FARP1: variants seen among roughly 807,000 people sequenced by gnomAD.
FARP1 encodes the protein FERM, ARH/RhoGEF and pleckstrin domain protein 1.
A neutral mutation model predicts 128.8 loss-of-function variants in FARP1; 52 were observed. The observed-to-expected ratio is 0.40, with a 90% CI of 0.32 to 0.51. The LOEUF (loss-of-function observed/expected upper bound fraction) is 0.51. Among genes scored for constraint, FARP1 ranks in the 20% least tolerant of loss-of-function variants. FARP1 has a pLI of 0.45. For synonymous variants in FARP1, 580 were observed against 551.8 expected, an observed-to-expected ratio of 1.05 and a Z score of -0.72; for missense variants, 1,333 against 1,367.9, an observed-to-expected ratio of 0.97 and a Z score of 0.40.
chr13:98,391,098 G>A (rs1215529273), intron 11 of FARP1, among the ~76,000 whole-genome samples: 1 of 152,156 alleles, frequency 6.6e-6, no homozygotes, highest in Non-Finnish European at 1.5e-5. Context: ...CAGACAGAAA[G>A]GACTAGGGGA....
intron 17 of FARP1, among the ~76,000 whole-genome samples, chr13:98,424,873 T>C (rs763442992): frequency 2.7e-4 from 40 of 146,896 alleles, no homozygotes; most frequent in Non-Finnish European, 5.0e-4. Flanking sequence ...TTATGAGATT[T>C]TCTTTTTGGT....
At chr13:98,185,930 TC>T (rs1276258364) in intron 1 of FARP1, among the ~76,000 whole-genome samples, 1 of 152,136 alleles carries the variant, frequency 6.6e-6, no homozygotes, top group Non-Finnish European at 1.5e-5. Flanking sequence ...ACTCCTGACC[TC>T]AGGTGATCCG....
chr13:98,385,073 C>G (rs10492707), intron 7 of FARP1, among the ~76,000 whole-genome samples: 1 of 152,006 alleles, frequency 6.6e-6, no homozygotes, highest in Non-Finnish European at 1.5e-5. Context: ...TGCTTTGGAA[C>G]AAAAGAGAAA....
Position 98,365,391 on chromosome 13 carries a change from C to T in FARP1, c.277-4C>T, listed in dbSNP as rs781628308. The T allele has an allele frequency of 4.4e-6, 7 of 1,606,682 alleles. No individual in the cohort carries two copies. The Admixed American group carries it at 5.0e-5, about 12-fold the overall frequency. On this transcript the variant is annotated splice_region_variant and splice_polypyrimidine_tract_variant and intron_variant, in intron 3 of 26. Coordinates refer to ENST00000319562, the MANE Select transcript of FARP1 (RefSeq NM_005766.4). ...GTCTTAATCTGTTCTTTTTTCCCTT[C>T]TAGGTGTGGCTGGATCTCCTAAAAC... is the stretch of plus-strand genomic sequence containing the variant.
At chr13:98,350,166 G>T (rs1289799762) in intron 3 of FARP1, among the ~76,000 whole-genome samples, 2 of 152,140 alleles carry the variant, frequency 1.3e-5, no homozygotes, top group Admixed American at 6.5e-5. Context: ...GTGTTGACAG[G>T]CAGGTCCCCA....
At chr13:98,336,339 C>T (rs140826171) in intron 2 of FARP1, among the ~76,000 whole-genome samples, 18 of 152,208 alleles carry the variant, frequency 1.2e-4, no homozygotes, top group African/African-American at 3.1e-4. Flanking sequence ...GCAACCTCTG[C>T]GGAGAGGTTG....
intron 1 of FARP1, among the ~76,000 whole-genome samples, chr13:98,144,876 T>A (rs1265065097): frequency 6.6e-6 from 1 of 152,172 alleles, no homozygotes; most frequent in African/African-American, 2.4e-5. Flanking sequence ...GGGGGTTTAT[T>A]CTCAGTCTTT....
intron 1 of FARP1, among the ~76,000 whole-genome samples, chr13:98,173,752 T>A (rs1410502020): frequency 6.6e-6 from 1 of 151,914 alleles, no homozygotes; most frequent in African/African-American, 2.4e-5. Flanking sequence ...AAGATAGGGG[T>A]TGGGGTGTGA....
At chr13:98,151,660 CT>C (rs34250002) in intron 1 of FARP1, among the ~76,000 whole-genome samples, 727 of 69,210 alleles carry the variant, frequency 0.011, 14 homozygotes, top group African/African-American at 0.026. Flanking sequence ...TATCTTCCAT[CT>C]TTTTTTTTTT....
chr13:98,301,057 T>C (rs544921175), intron 2 of FARP1, among the ~76,000 whole-genome samples: 35 of 152,174 alleles, frequency 2.3e-4, no homozygotes, highest in Non-Finnish European at 4.9e-4. Context: ...GAGACTGCTT[T>C]GGTTGTCATC....
chr13:98,240,863 G>A (rs552272403), intron 2 of FARP1, among the ~76,000 whole-genome samples: 1 of 152,328 alleles, frequency 6.6e-6, no homozygotes, highest in South Asian at 2.1e-4. Context: ...AGAGGCTTTA[G>A]TAGAACCCGG....
intron 2 of FARP1, among the ~76,000 whole-genome samples, chr13:98,215,538 A>T (rs1881006679): frequency 6.6e-6 from 1 of 152,194 alleles, no homozygotes; most frequent in Admixed American, 6.5e-5. Flanking sequence ...ATATGAGAAT[A>T]AAAAAAGAGG....
chr13:98,223,354 T>C (rs951312442), intron 2 of FARP1, among the ~76,000 whole-genome samples: 8 of 152,144 alleles, frequency 5.3e-5, no homozygotes, highest in African/African-American at 1.9e-4. Flanking sequence ...TGAGACAGAG[T>C]CTTGCTCTGT....
In FARP1 at chr13:98,448,441, T is replaced by A; in HGVS notation, c.*124T>A. 8.9e-6 allele frequency: 7 copies of A among 785,666 alleles called. No homozygotes were observed. The highest frequency in any genetic ancestry group is 1.5e-5 in the Non-Finnish European group (7 of 462,662). 48.7% of individuals were successfully genotyped at this position (785,666 alleles called of 1,614,324 possible). A position where few individuals can be genotyped will look rare whatever the true frequency, so the allele number is the denominator to read the frequency against. On this transcript the variant is annotated 3_prime_UTR_variant, in exon 27 of 27. Transcript: ENST00000319562. The stretch of plus-strand genomic sequence containing the variant: ...ATCAAAAACATGGCTTCCCAGCAGC[T>A]CTCCTGTCTCCACAGCCGCGTTTTT...
chr13:98,350,903 G>C (rs561249649), intron 3 of FARP1, among the ~76,000 whole-genome samples: 1 of 152,162 alleles, frequency 6.6e-6, no homozygotes, highest in East Asian at 1.9e-4. Flanking sequence ...CACCTTCAGG[G>C]CCAGGTACCC....
intron 2 of FARP1, among the ~76,000 whole-genome samples, chr13:98,333,436 T>TACACAC (rs60264788): frequency 0.12 from 16,905 of 139,516 alleles, 1,110 homozygotes; most frequent in Non-Finnish European, 0.16. Flanking sequence ...CCCCCACATG[T>TACACAC]ACACACACAC....
At position 98,440,242 on chromosome 13, in the gene FARP1, G is replaced by A. The variant is rs1392259960; in HGVS notation, c.2629+7G>A. On this transcript the variant is annotated splice_region_variant and intron_variant, in intron 23 of 26. Transcript: ENST00000319562. ...AGCAGCCCCCCTGACAACAGTGAGTGTGGCCAGGGCAGCTTTCCCATGCAG... is the reference window on the plus strand; with the variant it reads ...AGCAGCCCCCCTGACAACAGTGAGTATGGCCAGGGCAGCTTTCCCATGCAG... The A allele has an allele frequency of 4.4e-6, 7 of 1,604,792 alleles. No homozygotes were observed. The Admixed American group carries it at 6.7e-5, about 15-fold the overall frequency.
chr13:98,429,166 G>A (rs1891911346), intron 17 of FARP1, among the ~76,000 whole-genome samples: 1 of 152,202 alleles, frequency 6.6e-6, no homozygotes, highest in Admixed American at 6.5e-5. Flanking sequence ...TGTGATAAGG[G>A]CGGTTGTGGA....
At chr13:98,326,238 G>T (rs765834620) in intron 2 of FARP1, among the ~76,000 whole-genome samples, 1 of 152,070 alleles carries the variant, frequency 6.6e-6, no homozygotes, top group Non-Finnish European at 1.5e-5. Flanking sequence ...CTATAATATC[G>T]TTCTGGAAAC....
Sources: allele counts gnomAD v4.1 joint callset (sites outside exome capture counted in the v4.1 genomes callset), GRCh38; gene constraint gnomAD v4.1.1; transcripts MANE v1.5; gene names NCBI Gene and HGNC (gene_info 2026-07-23, HGNC 2026-07-21).